TPSG1: variants seen among roughly 807,000 people sequenced by gnomAD.
TPSG1 encodes tryptase gamma 1.
Under a neutral mutation model 23.8 loss-of-function variants are expected in TPSG1, and 43 were observed. That is an observed-to-expected ratio of 1.81 (90% CI 1.42 to 2.33). The LOEUF (loss-of-function observed/expected upper bound fraction) is 2.33, where lower values mean the gene tolerates loss of function less well. Among genes scored for constraint, TPSG1 ranks in the 30% most tolerant of loss-of-function variants. The pLI is 0.00. For synonymous variants in TPSG1, 302 were observed against 201.3 expected, an observed-to-expected ratio of 1.50 and a Z score of -4.23; for missense variants, 623 against 438.6, an observed-to-expected ratio of 1.42 and a Z score of -3.75.
At chr16:1,222,420 A>G (rs971159652) in intron 4 of TPSG1, 79 bp from the exon 5 acceptor site, 30 of 1,358,716 alleles carry the variant, frequency 2.2e-5, no homozygotes, top group South Asian at 2.8e-5. Context: ...CTTGCCAGAC[A>G]CAAGTCCCAT....
At position 1,222,804 on chromosome 16, in the gene TPSG1, G is replaced by C. The variant is rs775093652; in HGVS notation, c.359C>G (p.Pro120Arg). ...IILHSSPSGQ[P>R]GTSGDIALVE... ...CAGGGCGATGTCCCCGCTGGTCCCC[G>C]GCTGTCCTGAGGGGCTGGAGTGCAG... The change falls in exon 4 of 6, where the codon CCG becomes CGG. Residue 120 changes from proline (P) to arginine (R), a missense_variant. Transcript: ENST00000234798. The C allele has an allele frequency of 1.2e-6, 2 of 1,612,200 alleles. No individual in the cohort carries two copies. The highest frequency in any genetic ancestry group is 3.3e-5 in the Admixed American group (2 of 59,984).
chr16:1,222,970 A>C, intron 3 of TPSG1, 53 bp from the exon 4 acceptor site: 1 of 1,539,036 alleles, frequency 6.5e-7, no homozygotes, highest in Non-Finnish European at 8.8e-7. Flanking sequence ...GCTGGAGGTC[A>C]GTGTCGGCCC....
intron 1 of TPSG1, among the ~76,000 whole-genome samples, chr16:1,224,949 C>T (rs961793864): frequency 6.6e-6 from 1 of 151,918 alleles, no homozygotes; most frequent in Non-Finnish European, 1.5e-5. Flanking sequence ...CAACTCCCAC[C>T]CGCACCCCCA....
chr16:1,223,051 T>A (rs1470949620), intron 3 of TPSG1, 134 bp from the exon 4 acceptor site: 2 of 1,198,606 alleles, frequency 1.7e-6, no homozygotes, highest in Non-Finnish European at 2.3e-6. Context: ...GCAGAAAGCC[T>A]GGGCAGTGGC....
chr16:1,222,742 T>C lies in TPSG1; in HGVS notation c.421A>G (p.Ile141Val), dbSNP rs772212198. 1.2e-5 allele frequency: 19 copies of C among 1,611,452 alleles called. No individual in the cohort carries two copies. The Admixed American group carries it at 3.0e-4, about 25-fold the overall frequency. The change falls in exon 4 of 6, where the codon ATC becomes GTC. Residue 141 changes from isoleucine (I) to valine (V), a missense_variant. Transcript: ENST00000234798. ...GCCTCCGGGAGGCAGACGGGCAGGA[T>C]CCGGCTGGAGAGGGTCACGGGGACA... ...LSVPVTLSSR[I>V]LPVCLPEASD...
intron 3 of TPSG1, among the ~76,000 whole-genome samples, chr16:1,223,187 G>T (rs770841996): frequency 1.3e-5 from 2 of 152,236 alleles, no homozygotes; most frequent in Non-Finnish European, 2.9e-5. Context: ...TCAGCTCCAC[G>T]TGAAGAGACC....
Position 1,222,281 on chromosome 16 carries a change from G to T in TPSG1, c.572C>A (p.Thr191Asn). The T allele has an allele frequency of 1.2e-6, 2 of 1,611,778 alleles. No individual in the cohort carries two copies. Among genetic ancestry groups the T allele is most frequent in the Non-Finnish European group, 8.5e-7 (1 of 1,179,600 alleles). Residue 191 changes from threonine to asparagine, a missense_variant, in exon 5 of 6, where the codon ACC (threonine) becomes AAC (asparagine). By Grantham distance (65) the Thr-to-Asn change is moderately conservative. Coordinates refer to ENST00000234798, the MANE Select transcript of TPSG1 (RefSeq NM_012467.4). The part of the protein sequence containing the change: ...EVKVSVVDTE[T>N]CRRDYPGPGG... ...GGGGCCGGGATAGTCCCGGCGGCAG[G>T]TCTCTGTGTCCACCACGGAGACTTT... is the stretch of plus-strand genomic sequence containing the variant.
Position 1,222,839 on chromosome 16 carries a change from C to T in TPSG1, c.324G>A (p.Arg108=). The change falls in exon 4 of 6, where the codon AGG becomes AGA. Residue 108 remains arginine, a synonymous_variant. Transcript: ENST00000234798. ...AGGGGCTGGAGTGCAGGATGATCTG[C>T]CTCACGGTGGAGAAGTGGGGAGACA... ...ITLSPHFSTV[R]QIILHSSPSG... 1.2e-6 allele frequency: 2 copies of T among 1,611,526 alleles called. No individual in the cohort carries two copies. The highest frequency in any genetic ancestry group is 1.7e-6 in the Non-Finnish European group (2 of 1,179,538).
chr16:1,222,673 A>G lies in TPSG1; in HGVS notation c.490T>C (p.Trp164Arg), dbSNP rs746330255. Residue 164 changes from tryptophan to arginine, a missense_variant, in exon 4 of 6, where the codon TGG becomes CGG. By Grantham distance (101) the Trp-to-Arg change is moderately radical (BLOSUM62 -3). Transcript: ENST00000234798. ...CPGIRCWVTG[W>R]GYTREGEPLP... ...TCACCTCCCTCCCGCGTATAGCCCC[A>G]GCCGGTCACCCAGCACCGGATCCCA... The G allele has an allele frequency of 1.7e-5, 27 of 1,574,232 alleles. No homozygotes were observed. The East Asian group carries it at 4.5e-4, about 26-fold the overall frequency.
chr16:1,223,696 A>C, intron 2 of TPSG1, 102 bp from the exon 3 acceptor site: 1 of 1,372,820 alleles, frequency 7.3e-7, no homozygotes, highest in East Asian at 2.7e-5. Flanking sequence ...CTTCTTGGGG[A>C]CTTTGCTCTT....
Position 1,223,537 on chromosome 16 carries a change from G to T in TPSG1, c.131C>A (p.Ala44Asp), listed in dbSNP as rs570916371. Residue 44 changes from alanine (A) to aspartate (D), a missense_variant, in exon 3 of 6, where the codon GCC (alanine) becomes GAC (aspartate). By Grantham distance (126) the Ala-to-Asp change is moderately radical. Transcript: ENST00000234798. ...AGGRIVGGHA[A>D]PAGAWPWQAS... ...CTGCCATGGCCATGCGCCGGCCGGG[G>T]CAGCGTGACCCCCCACGATCCGGCC... 6.5e-7 allele frequency: 1 copy of T among 1,549,312 alleles called. No homozygotes were observed.
At chr16:1,223,942 T>G in intron 2 of TPSG1, 3 of 308,854 alleles carry the variant, frequency 9.7e-6, no homozygotes, top group Non-Finnish European at 1.2e-5. Context: ...GGTGGCTGCC[T>G]AGTGGGCCCC....
chr16:1,224,372 C>G (rs753958715), intron 2 of TPSG1, among the ~76,000 whole-genome samples: 1 of 152,108 alleles, frequency 6.6e-6, no homozygotes, highest in South Asian at 2.1e-4. Context: ...TTCATGGCCT[C>G]AGAGCATCTC....
At chr16:1,223,051 T>G in intron 3 of TPSG1, 134 bp from the exon 4 acceptor site, 1 of 1,198,606 alleles carries the variant, frequency 8.3e-7, no homozygotes, top group Non-Finnish European at 1.1e-6. Flanking sequence ...GCAGAAAGCC[T>G]GGGCAGTGGC....
Position 1,222,303 on chromosome 16 carries a change from C to T in TPSG1, c.550G>A (p.Val184Ile), listed in dbSNP as rs758238973. 4.3e-6 allele frequency: 7 copies of T among 1,610,274 alleles called. No homozygotes were observed. The South Asian group carries it at 7.7e-5, about 18-fold the overall frequency. Residue 184 changes from valine to isoleucine, a missense_variant, in exon 5 of 6, where the codon GTC (valine) becomes ATC (isoleucine). Physicochemically the swap from Val to Ile is conservative, Grantham distance 29. Transcript: ENST00000234798. ...CAGGTCTCTGTGTCCACCACGGAGA[C>T]TTTCACCTCCCGCAGGCTGTACGGG... ...PPPYSLREVKVSVVDTETCRR... is the reference protein window; with the variant it reads ...PPPYSLREVKISVVDTETCRR...
chr16:1,223,827 A>C, intron 2 of TPSG1: 3 of 537,926 alleles, frequency 5.6e-6, no homozygotes, highest in Non-Finnish European at 6.4e-6. Flanking sequence ...TGCTCCACAA[A>C]CTAACCAGGG....
intron 1 of TPSG1, 178 bp from the exon 2 acceptor site, chr16:1,224,806 G>T: frequency 1.3e-6 from 1 of 745,352 alleles, no homozygotes; most frequent in Admixed American, 2.8e-5. Context: ...GGCTGGGTGG[G>T]ACAAGCCACA....
chr16:1,224,575 C>G (rs1344312672), intron 2 of TPSG1, 27 bp downstream of exon 2: 3 of 1,613,566 alleles, frequency 1.9e-6, no homozygotes, highest in Non-Finnish European at 2.5e-6. Context: ...CACCCTCCCC[C>G]ACACCCCACA....
chr16:1,223,484 CG>C lies in TPSG1; in HGVS notation c.183del (p.His61GlnfsTer24), dbSNP rs2141422632. ...GGGCTGAGCAGTGACCCGCCGCACA[CG>C]TGCACCCTCCGCAGGCGGAGGCTGG... ...WQASLRLRRV[H>X]VCGGSLLSPQ... is the part of the protein sequence containing the mutation. On this transcript the variant is annotated frameshift_variant, in exon 3 of 6. Transcript: ENST00000234798. LOFTEE classifies it high-confidence loss of function. The C allele has an allele frequency of 6.3e-7, 1 of 1,583,144 alleles. No individual in the cohort carries two copies. The highest frequency in any genetic ancestry group is 1.8e-5 in the Admixed American group (1 of 56,070).
Sources: gnomAD v4.1 joint callset for allele counts (sites outside exome capture counted in the v4.1 genomes callset) on GRCh38, gnomAD v4.1.1 for gene constraint, MANE v1.5 for transcripts, NCBI Gene and HGNC (gene_info 2026-07-23, HGNC 2026-07-21) for gene names.